Variants in ANKRD26 observed in about 807,000 individuals in gnomAD.
ANKRD26 encodes the protein ankyrin repeat domain 26.
ANKRD26 carries 141 observed loss-of-function variants against 208.7 expected under a neutral mutation model. The ratio of observed to expected loss-of-function variants is 0.68; its 90% CI spans 0.59 to 0.78. The LOEUF (loss-of-function observed/expected upper bound fraction) is 0.78, where lower values mean the gene tolerates loss of function less well. ANKRD26 is among the 30% of genes least tolerant of loss of function. The probability of loss-of-function intolerance (pLI) is 0.00; values close to 1 mark genes in which losing one functional copy is unlikely to be tolerated. For missense variants in ANKRD26, 1,889 were observed against 1,938.7 expected (o/e 0.97, Z 0.48); for synonymous variants, 636 against 660.4 (o/e 0.96, Z 0.57).
At chr10:27,078,327 C>T (rs2055774347) in intron 7 of ANKRD26, among the ~76,000 whole-genome samples, 2 of 151,968 alleles carry the variant, frequency 1.3e-5, no homozygotes, top group South Asian at 4.2e-4. Context: ...GAAAGCTGCA[C>T]CTAAATATGC....
At chr10:26,954,621 T>C in the ANKRD26 span, among the ~76,000 whole-genome samples, 2 of 152,200 alleles carry the variant, frequency 1.3e-5, no homozygotes, top group Non-Finnish European at 2.9e-5. Flanking sequence ...TGACAATAAA[T>C]CTGTATCCAG....
Position 27,035,617 on chromosome 10 carries a change from C to A in ANKRD26, c.2833G>T (p.Asp945Tyr). The change falls in exon 24 of 34, where the codon GAC (aspartate) becomes TAC (tyrosine). Residue 945 changes from aspartate to tyrosine, a missense_variant. Around this residue, in one of 3 missense-constraint regions of ANKRD26, gnomAD observed 1,272 missense variants for 1,273.8 expected, o/e 1.00. Transcript: ENST00000376087. ...TTCTTTTCTTTTACAATTTTAAGGT[C>A]CTCAAAACATTTCTTTTCTTTTTCC... ...NQEKEKKCFE[D>Y]LKIVKEKNED... 1 of 1,597,376 alleles carries A rather than the reference C, an allele frequency of 6.3e-7. No homozygotes were observed. The highest frequency in any genetic ancestry group is 8.5e-7 in the Non-Finnish European group (1 of 1,174,746).
downstream of ANKRD26, among the ~76,000 whole-genome samples, chr10:26,999,528 G>A (rs990786593): frequency 2.6e-5 from 4 of 152,092 alleles, no homozygotes; most frequent in African/African-American, 9.7e-5. Context: ...ATATGTCAGG[G>A]GCTTAAGATG....
chr10:27,042,548 T>G (rs1373009294), intron 20 of ANKRD26, among the ~76,000 whole-genome samples: 2 of 152,030 alleles, frequency 1.3e-5, no homozygotes, highest in Non-Finnish European at 2.9e-5. Context: ...GGTCAGGCAA[T>G]TGAGACCATC....
At chr10:27,079,674 C>T (rs946141238) in intron 6 of ANKRD26, among the ~76,000 whole-genome samples, 2 of 151,800 alleles carry the variant, frequency 1.3e-5, no homozygotes, top group Non-Finnish European at 2.9e-5. Flanking sequence ...GCCAACATGG[C>T]GAAACCCTGT....
intron 28 of ANKRD26, among the ~76,000 whole-genome samples, chr10:27,023,779 G>A (rs1345421280): frequency 1.3e-5 from 2 of 152,108 alleles, no homozygotes; most frequent in South Asian, 4.1e-4. Context: ...GGGCTTCCAA[G>A]GCAATGGGTA....
chr10:27,093,650 T>C, intron 2 of ANKRD26, 35 bp downstream of exon 2: 6 of 1,603,170 alleles, frequency 3.7e-6, no homozygotes, highest in Non-Finnish European at 3.4e-6. Flanking sequence ...TTAAGTCAAA[T>C]CCATCTGATG....
intron 27 of ANKRD26, among the ~76,000 whole-genome samples, chr10:27,025,038 A>G (rs1162866461): frequency 6.6e-6 from 1 of 152,108 alleles, no homozygotes; most frequent in Admixed American, 6.5e-5. Flanking sequence ...ATGGGTTTCA[A>G]TTTTTCCTGT....
the ANKRD26 span, among the ~76,000 whole-genome samples, chr10:26,957,186 T>C: frequency 5.3e-5 from 8 of 152,120 alleles, no homozygotes; most frequent in South Asian, 1.2e-3. Context: ...GGCAGGCAGA[T>C]AGCTTGAGAC....
At chr10:27,090,939 T>G (rs1351061419) in intron 4 of ANKRD26, among the ~76,000 whole-genome samples, 18 of 152,000 alleles carry the variant, frequency 1.2e-4, no homozygotes, top group Admixed American at 1.2e-3. Context: ...CTACAAAAAA[T>G]GCAAAAATTA....
At position 27,006,965 on chromosome 10, in the gene ANKRD26, G is replaced by GA. The variant is rs1311638766; in HGVS notation, c.4954-4dup. ...TTTTTTTCCAACTCCTGCTGCATCTGAAAAAAGTCAAATGTTATTTATAAT... is the reference window on the plus strand; with the variant it reads ...TTTTTTTCCAACTCCTGCTGCATCTGAAAAAAAGTCAAATGTTATTTATAAT... On this transcript the variant is annotated splice_polypyrimidine_tract_variant and splice_region_variant and intron_variant, in intron 32 of 33. Coordinates refer to ENST00000376087, the MANE Select transcript of ANKRD26 (RefSeq NM_014915.3). 1.9e-6 allele frequency: 3 copies of GA among 1,604,798 alleles called. No individual in the cohort carries two copies. Among genetic ancestry groups the GA allele is most frequent in the East Asian group, 4.5e-5 (2 of 44,672 alleles).
chr10:27,060,540 T>C lies in ANKRD26; in HGVS notation c.1463A>G (p.Glu488Gly). ...CAAGTGAAGATATCTCTCAGGAGAC[T>C]CTAAAAACCAAAAGGGACATATAAT... ...RNVGMPVAHM[E>G]SPERYLHLKP... The change falls in exon 14 of 34, where the codon GAG becomes GGG. Residue 488 changes from glutamate to glycine, a missense_variant and splice_region_variant. Glu to Gly is a moderately conservative substitution (Grantham distance 98). Transcript: ENST00000376087. The C allele has an allele frequency of 1.3e-6, 2 of 1,529,700 alleles. No individual in the cohort carries two copies. The highest frequency in any genetic ancestry group is 1.8e-6 in the Non-Finnish European group (2 of 1,107,998). The allele number at this position is 1,529,700 out of a possible 1,614,324, so 94.8% of individuals were successfully genotyped here.
At chr10:26,978,381 G>A (rs911745052) in intron 5 of ANKRD26, among the ~76,000 whole-genome samples, 11 of 152,064 alleles carry the variant, frequency 7.2e-5, no homozygotes, top group African/African-American at 1.9e-4. Context: ...GTTTGAACCC[G>A]GGAGGCAGAG....
At chr10:27,007,105 CAT>C (rs1347361740) in intron 32 of ANKRD26, 143 bp from the exon 33 acceptor site, 2 of 608,114 alleles carry the variant, frequency 3.3e-6, no homozygotes, top group Non-Finnish European at 5.8e-6. Flanking sequence ...AAAATAATCA[CAT>C]AAATAAAATT....
intron 12 of ANKRD26, among the ~76,000 whole-genome samples, chr10:27,062,794 A>C (rs191642518): frequency 6.7e-6 from 1 of 150,124 alleles, no homozygotes; most frequent in East Asian, 1.9e-4. Flanking sequence ...TTGAGACAGA[A>C]TCTTGCTCTG....
At chr10:27,015,975 G>A (rs2053276821) in intron 30 of ANKRD26, among the ~76,000 whole-genome samples, 2 of 152,074 alleles carry the variant, frequency 1.3e-5, no homozygotes, top group African/African-American at 4.8e-5. Flanking sequence ...AGAGAGGAAA[G>A]ACATTCCTTT....
At position 27,064,057 on chromosome 10, in the gene ANKRD26, T is replaced by G. The variant is rs1340377176; in HGVS notation, c.1294A>C (p.Lys432Gln). The change falls in exon 12 of 34, where the codon AAG becomes CAG. Residue 432 changes from lysine (K) to glutamine (Q), a missense_variant. Transcript: ENST00000376087. Reference sequence around the variant, plus strand: ...GCCCCAGCTAAAGGATCAACATACTTCTGTGGAAAATTCTCAGAGATACTC... The same window carrying G: ...GCCCCAGCTAAAGGATCAACATACTGCTGTGGAAAATTCTCAGAGATACTC... ...SESISENFPQ[K>Q]YVDPLAGAAD... The G allele has an allele frequency of 1.2e-6, 2 of 1,611,232 alleles. No individual in the cohort carries two copies. Among genetic ancestry groups the G allele is most frequent in the South Asian group, 1.1e-5 (1 of 91,000 alleles).
At chr10:26,975,683 T>C (rs1222580678) in exon 6 of ANKRD26, among the ~76,000 whole-genome samples, 3 of 151,414 alleles carry the variant, frequency 2.0e-5, no homozygotes, top group Admixed American at 2.0e-4. Flanking sequence ...CTCTAAAAAA[T>C]ATACAAAAAA....
At chr10:27,040,892 T>C (rs1034569638) in intron 20 of ANKRD26, among the ~76,000 whole-genome samples, 4 of 151,746 alleles carry the variant, frequency 2.6e-5, no homozygotes, top group African/African-American at 9.7e-5. Context: ...TAGTGGGGCG[T>C]GGTGGCAGGC....
Sources: gnomAD v4.1 joint callset for allele counts (sites outside exome capture counted in the v4.1 genomes callset) on GRCh38, gnomAD v4.1.1 for gene constraint, gnomAD v4.1.1 regional missense constraint, MANE v1.5 for transcripts, NCBI Gene and HGNC (gene_info 2026-07-23, HGNC 2026-07-21) for gene names.